FLT3: variants seen among roughly 807,000 people sequenced by gnomAD.
The protein encoded by FLT3 is fms related receptor tyrosine kinase 3, also known as receptor-type tyrosine-protein kinase FLT3.
FLT3 carries 46 observed loss-of-function variants against 126.6 expected under a neutral mutation model. The ratio of observed to expected loss-of-function variants is 0.36; its 90% CI spans 0.29 to 0.46. The LOEUF is 0.46. Ranked by LOEUF, FLT3 falls within the 20% of genes least tolerant of loss-of-function variation. The pLI is 1.00. For synonymous variants in FLT3, 404 were observed against 434.4 expected (o/e 0.93, Z 0.87); for missense variants, 1,069 against 1,190.3 (o/e 0.90, Z 1.50).
chr13:28,008,508 T>C (rs1469812686), intron 23 of FLT3, among the ~76,000 whole-genome samples: 1 of 151,988 alleles, frequency 6.6e-6, no homozygotes, highest in Non-Finnish European at 1.5e-5. Context: ...AGAGTTTCGT[T>C]CTGTTTGCAC....
chr13:28,057,478 G>C lies in FLT3; in HGVS notation c.369-16C>G. The C allele has an allele frequency of 8.7e-7, 1 of 1,144,582 alleles. No individual in the cohort carries two copies. The highest frequency in any genetic ancestry group is 1.3e-6 in the Non-Finnish European group (1 of 752,998). The allele number at this position is 1,144,582 out of a possible 1,614,324, so 70.9% of individuals were successfully genotyped here. A position where few individuals can be genotyped will look rare whatever the true frequency, so the allele number is the denominator to read the frequency against. ...AACAACTCCTCTGCAAAACAGGAAA[G>C]AGAACTAGTTATTTTGGAAAATGTG... is the stretch of plus-strand genomic sequence containing the variant. On this transcript the variant is annotated splice_polypyrimidine_tract_variant and intron_variant, in intron 3 of 23. Coordinates refer to ENST00000241453, the MANE Select transcript of FLT3 (RefSeq NM_004119.3).
chr13:28,089,993 G>A (rs746793293), intron 1 of FLT3, among the ~76,000 whole-genome samples: 1 of 151,276 alleles, frequency 6.6e-6, no homozygotes, highest in African/African-American at 2.4e-5. Context: ...CGCCCGCCTC[G>A]GCCTCCCCAA....
intron 10 of FLT3, 42 bp downstream of exon 10, chr13:28,037,143 G>A (rs1175034453): frequency 1.7e-6 from 2 of 1,168,684 alleles, no homozygotes; most frequent in Non-Finnish European, 2.6e-6. Flanking sequence ...AAAAATTAAG[G>A]AATTAAAAAA....
At position 28,034,317 on chromosome 13, in the gene FLT3, C is replaced by T. The variant is rs1190567462; in HGVS notation, c.1688G>A (p.Cys563Tyr). The T allele has an allele frequency of 6.2e-7, 1 of 1,612,562 alleles. No homozygotes were observed. Among genetic ancestry groups the T allele is most frequent in the African/African-American group, 1.3e-5 (1 of 74,972 alleles). ...TGCTTTTACCTTTTTGTACTTGTGACAAATTAGCAGGGTTAAAACGACAAT... is the reference window on the plus strand; with the variant it reads ...TGCTTTTACCTTTTTGTACTTGTGATAAATTAGCAGGGTTAAAACGACAAT... ...LFIVVLTLLICHKYKKQFRYE... is the reference protein window; with the variant it reads ...LFIVVLTLLIYHKYKKQFRYE... The change falls in exon 13 of 24, where the codon TGT becomes TAT. Residue 563 changes from cysteine to tyrosine, a missense_variant. Transcript: ENST00000241453.
chr13:28,075,170 A>G (rs1342793062), intron 1 of FLT3, among the ~76,000 whole-genome samples: 2 of 152,204 alleles, frequency 1.3e-5, no homozygotes, highest in Non-Finnish European at 2.9e-5. Flanking sequence ...TACATTGTGG[A>G]ATGATTAAAT....
intron 19 of FLT3, 33 bp from the exon 20 acceptor site, chr13:28,018,622 G>A (rs1307567408): frequency 1.9e-6 from 3 of 1,611,678 alleles, no homozygotes; most frequent in Middle Eastern, 1.6e-4. Context: ...GTTATTTACT[G>A]TGATGTGTAT....
At chr13:28,037,021 G>A (rs931582013) in intron 10 of FLT3, among the ~76,000 whole-genome samples, 164 bp downstream of exon 10, 1 of 152,082 alleles carries the variant, frequency 6.6e-6, no homozygotes, top group Non-Finnish European at 1.5e-5. Flanking sequence ...AAAGATATAT[G>A]ATCAATGCCA....
chr13:28,065,396 C>T (rs1876924680), intron 2 of FLT3, among the ~76,000 whole-genome samples: 1 of 152,106 alleles, frequency 6.6e-6, no homozygotes, highest in Non-Finnish European at 1.5e-5. Context: ...AATCCCAGGA[C>T]TTTGTGAGGC....
At chr13:28,055,811 G>C (rs546111758) in intron 4 of FLT3, among the ~76,000 whole-genome samples, 2 of 152,270 alleles carry the variant, frequency 1.3e-5, no homozygotes, top group East Asian at 3.9e-4. Context: ...GGAGAAAGAG[G>C]AAGAGAAGTA....
intron 18 of FLT3, 38 bp from the exon 19 acceptor site, chr13:28,023,515 C>CT (rs751920513): frequency 9.9e-6 from 16 of 1,609,482 alleles, no homozygotes. Flanking sequence ...TGCCAAAACT[C>CT]TAAGAAGTTG....
Position 28,092,964 on chromosome 13 carries a change from C to G in FLT3, c.43+7504G>C, listed in dbSNP as rs150034890. On this transcript the variant is annotated intron_variant, in intron 1 of 23. Coordinates refer to ENST00000241453, the MANE Select transcript of FLT3 (RefSeq NM_004119.3). Reference sequence around the variant, plus strand: ...TGAGACAGGGTCTCGCTCTGTCACCCAGGCTGGAGTACAGTGGTGTGATCT... The same window carrying G: ...TGAGACAGGGTCTCGCTCTGTCACCGAGGCTGGAGTACAGTGGTGTGATCT... Among the ~76,000 whole-genome samples, 1,147 of 146,102 alleles carry G rather than the reference C, an allele frequency of 7.9e-3. 13 individuals carry two copies. Among genetic ancestry groups the G allele is most frequent in the African/African-American group, 0.028 (1,089 of 38,930 alleles).
chr13:28,045,045 C>T (rs753413149), intron 9 of FLT3, among the ~76,000 whole-genome samples: 24 of 152,236 alleles, frequency 1.6e-4, no homozygotes, highest in Non-Finnish European at 2.8e-4. Flanking sequence ...AGGTACAAAA[C>T]GCTATAGGAG....
chr13:28,036,835 C>T (rs577755870), intron 10 of FLT3, among the ~76,000 whole-genome samples: 16 of 152,234 alleles, frequency 1.1e-4, no homozygotes, highest in African/African-American at 3.4e-4. Context: ...TTAAAATTAG[C>T]TGAGCATGGT....
At chr13:28,081,919 C>T (rs1425016330) in intron 1 of FLT3, among the ~76,000 whole-genome samples, 2 of 120,800 alleles carry the variant, frequency 1.7e-5, no homozygotes, top group African/African-American at 3.3e-5. Context: ...TACAATGGTG[C>T]GATCTTGGCT....
rs191843542 is a variant in FLT3, at chr13:28,018,435, G to A, written c.2541+32C>T. The A allele has an allele frequency of 2.5e-4, 402 of 1,611,052 alleles. 1 individual carries two copies. Among genetic ancestry groups the A allele is most frequent in the African/African-American group, 1.6e-4 (12 of 74,990 alleles). On this transcript the variant is annotated intron_variant, in intron 20 of 23. Coordinates refer to ENST00000241453, the MANE Select transcript of FLT3 (RefSeq NM_004119.3). ...GATAACGACACAACACAAAATAGCC[G>A]TATAAAAATAAGTAGGAAATAGCAG...
chr13:28,028,386 T>C, intron 15 of FLT3, 98 bp from the exon 16 acceptor site: 2 of 668,752 alleles, frequency 3.0e-6, no homozygotes, highest in Non-Finnish European at 5.3e-6. Context: ...CAATCTGCAT[T>C]ATTTATTTAA....
chr13:28,051,751 T>G (rs1293740342), intron 5 of FLT3, among the ~76,000 whole-genome samples: 7 of 151,262 alleles, frequency 4.6e-5, no homozygotes, highest in African/African-American at 1.5e-4. Flanking sequence ...TTTCACCATG[T>G]TAGCCAGGAT....
chr13:28,054,768 G>T (rs1431913846), intron 4 of FLT3, among the ~76,000 whole-genome samples: 1 of 152,160 alleles, frequency 6.6e-6, no homozygotes, highest in East Asian at 1.9e-4. Flanking sequence ...CCACCTGCTT[G>T]CCATCTGGTA....
intron 1 of FLT3, among the ~76,000 whole-genome samples, chr13:28,077,593 G>A (rs537857088): frequency 5.3e-5 from 8 of 152,276 alleles, no homozygotes; most frequent in Non-Finnish European, 1.5e-5. Flanking sequence ...TTCAAGTTGA[G>A]ATTTGGGTGG....
Sources: allele counts gnomAD v4.1 joint callset (sites outside exome capture counted in the v4.1 genomes callset), GRCh38; gene constraint gnomAD v4.1.1; transcripts MANE v1.5; gene names NCBI Gene and HGNC (gene_info 2026-07-23, HGNC 2026-07-21).